Variants in ZBTB20 observed in about 807,000 individuals in gnomAD.
The protein encoded by ZBTB20 is zinc finger and BTB domain containing 20.
ZBTB20 carries 9 observed loss-of-function variants against 56.9 expected under a neutral mutation model. That is an observed-to-expected ratio of 0.16 (90% CI 0.10 to 0.28). The LOEUF (loss-of-function observed/expected upper bound fraction) is 0.28. Among genes scored for constraint, ZBTB20 ranks in the 10% least tolerant of loss-of-function variants. The pLI is 1.00. For synonymous variants in ZBTB20, 417 were observed against 420.7 expected (o/e 0.99, Z 0.11); for missense variants, 655 against 1,003.0 (o/e 0.65, Z 4.69).
chr3:115,013,421 G>C (rs2079807211), intron 2 of ZBTB20, among the ~76,000 whole-genome samples: 1 of 151,452 alleles, frequency 6.6e-6, no homozygotes. Flanking sequence ...GAAAGAAATA[G>C]AAAAATTTGG....
chr3:114,572,980 T>G (rs2053599272), intron 6 of ZBTB20, among the ~76,000 whole-genome samples: 1 of 152,228 alleles, frequency 6.6e-6, no homozygotes. Context: ...TTCACTTGTT[T>G]CAATTACTCA....
intron 2 of ZBTB20, among the ~76,000 whole-genome samples, chr3:115,000,394 T>G (rs1330456668): frequency 6.6e-6 from 1 of 151,602 alleles, no homozygotes; most frequent in Admixed American, 6.6e-5. Context: ...CTAGAAGTCT[T>G]TAAGGGGAAT....
intron 4 of ZBTB20, among the ~76,000 whole-genome samples, chr3:114,878,996 C>T (rs894944552): frequency 6.6e-6 from 1 of 152,120 alleles, no homozygotes; most frequent in African/African-American, 2.4e-5. Context: ...ACCAAAGCCT[C>T]GATGGAATTA....
intron 5 of ZBTB20, among the ~76,000 whole-genome samples, chr3:114,755,954 T>A (rs959954645): frequency 2.6e-5 from 4 of 152,184 alleles, no homozygotes; most frequent in African/African-American, 9.6e-5. Context: ...GCAAGAAAGT[T>A]TAAAGGCAAC....
intron 5 of ZBTB20, among the ~76,000 whole-genome samples, chr3:114,748,540 A>C (rs1004230183): frequency 4.9e-4 from 74 of 152,142 alleles, no homozygotes; most frequent in Admixed American, 4.3e-3. Flanking sequence ...CAAAGTTACT[A>C]ACTAGTCTAC....
At chr3:114,997,284 T>C (rs1240302742) in intron 2 of ZBTB20, among the ~76,000 whole-genome samples, 1 of 151,814 alleles carries the variant, frequency 6.6e-6, no homozygotes, top group Non-Finnish European at 1.5e-5. Context: ...ATCCACAGTG[T>C]AGAACCTTTG....
chr3:114,476,800 A>G lies in ZBTB20; in HGVS notation c.-255+23552T>C, dbSNP rs1173522671. ...TTGGAGACACAGTCAAGCCACAGCC[A>G]TATGATAAATATCTTGTGCATAATG... On this transcript the variant is annotated intron_variant, in intron 7 of 11. Transcript: ENST00000675478. 2.0e-5 allele frequency among the ~76,000 whole-genome samples: 3 copies of G among 152,252 alleles called. No individual in the cohort carries two copies. In the East Asian group the frequency reaches 5.8e-4, roughly 29 times the overall value.
chr3:115,014,179 AT>A (rs930361180), intron 2 of ZBTB20, among the ~76,000 whole-genome samples: 2 of 151,764 alleles, frequency 1.3e-5, no homozygotes, highest in African/African-American at 4.8e-5. Context: ...CAAACTTGAT[AT>A]GTTTGAACTT....
chr3:115,075,266 T>C (rs927058339), intron 1 of ZBTB20, among the ~76,000 whole-genome samples: 1 of 152,132 alleles, frequency 6.6e-6, no homozygotes, highest in African/African-American at 2.4e-5. Flanking sequence ...TGTCCATTAA[T>C]TAGTAACTTC....
intron 6 of ZBTB20, among the ~76,000 whole-genome samples, chr3:114,533,712 G>GA (rs1199545117): frequency 1.3e-5 from 2 of 152,068 alleles, no homozygotes; most frequent in Non-Finnish European, 2.9e-5. Context: ...TGAAATGAAG[G>GA]AAAAAATGTT....
intron 1 of ZBTB20, among the ~76,000 whole-genome samples, chr3:115,139,551 A>G (rs961220446): frequency 1.3e-5 from 2 of 152,084 alleles, no homozygotes; most frequent in African/African-American, 4.8e-5. Context: ...ATCAAAAACT[A>G]AATGCAGTAG....
At chr3:114,713,296 A>T (rs1267476075) in intron 5 of ZBTB20, among the ~76,000 whole-genome samples, 1 of 152,182 alleles carries the variant, frequency 6.6e-6, no homozygotes, top group Non-Finnish European at 1.5e-5. Flanking sequence ...GCATGAGCTC[A>T]TCTGTTTTTT....
At chr3:114,600,279 G>A (rs1418550281) in intron 6 of ZBTB20, among the ~76,000 whole-genome samples, 1 of 152,030 alleles carries the variant, frequency 6.6e-6, no homozygotes, top group Non-Finnish European at 1.5e-5. Context: ...ATGTAAGGCA[G>A]GGGTTCAGGT....
chr3:114,427,787 C>A (rs554198480), intron 7 of ZBTB20, among the ~76,000 whole-genome samples: 1 of 152,306 alleles, frequency 6.6e-6, no homozygotes, highest in South Asian at 2.1e-4. Context: ...TTAAGACTTT[C>A]TTTTTCTTCA....
intron 10 of ZBTB20, among the ~76,000 whole-genome samples, chr3:114,353,629 G>A (rs1254550815): frequency 1.3e-5 from 2 of 152,170 alleles, no homozygotes; most frequent in East Asian, 1.9e-4. Context: ...CCCAAAAGAA[G>A]GCACAAATAA....
intron 7 of ZBTB20, among the ~76,000 whole-genome samples, chr3:114,464,814 T>C (rs1345260489): frequency 6.6e-6 from 1 of 152,068 alleles, no homozygotes; most frequent in Non-Finnish European, 1.5e-5. Flanking sequence ...AGACTTTTGG[T>C]TGCATTTGTA....
intron 11 of ZBTB20, among the ~76,000 whole-genome samples, chr3:114,340,456 G>A (rs998541516): frequency 4.6e-5 from 7 of 152,052 alleles, no homozygotes; most frequent in African/African-American, 1.4e-4. Context: ...GCCTGTTGGC[G>A]GAAACCCTTG....
At chr3:115,023,714 T>C (rs1014203936) in intron 2 of ZBTB20, among the ~76,000 whole-genome samples, 2 of 150,970 alleles carry the variant, frequency 1.3e-5, no homozygotes, top group African/African-American at 4.8e-5. Context: ...TTTTATATTC[T>C]CCTCCCCCAC....
At chr3:114,873,635 T>C (rs2076090150) in intron 4 of ZBTB20, among the ~76,000 whole-genome samples, 1 of 152,120 alleles carries the variant, frequency 6.6e-6, no homozygotes, top group East Asian at 1.9e-4. Context: ...CACAAAAGGT[T>C]CTGAAAATAA....
Sources: gnomAD v4.1 joint callset for allele counts (sites outside exome capture counted in the v4.1 genomes callset) on GRCh38, gnomAD v4.1.1 for gene constraint, MANE v1.5 for transcripts, NCBI Gene and HGNC (gene_info 2026-07-23, HGNC 2026-07-21) for gene names.